Variants in ELP1 observed in about 807,000 individuals in gnomAD.
ELP1 encodes the protein elongator complex protein 1.
ELP1 carries 131 observed loss-of-function variants against 183.2 expected under a neutral mutation model. The ratio of observed to expected loss-of-function variants is 0.72; its 90% CI spans 0.62 to 0.83. The LOEUF (loss-of-function observed/expected upper bound fraction) is 0.83, where lower values mean the gene tolerates loss of function less well. Among genes scored for constraint, ELP1 ranks in the 40% least tolerant of loss-of-function variants. The pLI is 0.00. For missense variants in ELP1, 1,550 were observed against 1,594.9 expected, an observed-to-expected ratio of 0.97 and a Z score of 0.48; for synonymous variants, 555 against 569.0, an observed-to-expected ratio of 0.98 and a Z score of 0.35.
chr9:108,876,874 G>A (rs1239403095), intron 35 of ELP1, among the ~76,000 whole-genome samples: 1 of 152,132 alleles, frequency 6.6e-6, no homozygotes, highest in African/African-American at 2.4e-5. Flanking sequence ...TGGGATTACA[G>A]GCATGCGCCA....
chr9:108,900,303 C>T lies in ELP1; in HGVS notation c.2087G>A (p.Arg696Gln), dbSNP rs137853022. Residue 696 changes from arginine (R) to glutamine (Q), a missense_variant, in exon 19 of 37, where the codon CGG becomes CAG. Arg to Gln is a conservative substitution (Grantham distance 43). Transcript: ENST00000374647. ...EVLRKVERGS[R>Q]IVTVVPQDTK... ...GTCCTGGGGCACAACAGTGACAATC[C>T]GTGAACCCCTCTCCACTTTCCGCAG... The T allele has an allele frequency of 1.1e-4, 178 of 1,614,042 alleles. 1 individual carries two copies. The highest frequency in any genetic ancestry group is 1.0e-3 in the East Asian group (45 of 44,894).
At chr9:108,884,176 T>C (rs1828036367) in intron 29 of ELP1, among the ~76,000 whole-genome samples, 2 of 152,146 alleles carry the variant, frequency 1.3e-5, no homozygotes, top group African/African-American at 2.4e-5. Flanking sequence ...GAATTAGGAA[T>C]AGTAACAGAG....
intron 8 of ELP1, among the ~76,000 whole-genome samples, chr9:108,918,265 G>A (rs117763653): frequency 6.6e-6 from 1 of 152,228 alleles, no homozygotes; most frequent in Non-Finnish European, 1.5e-5. Context: ...CTAAAATCAG[G>A]CAGCCACATA....
intron 12 of ELP1, among the ~76,000 whole-genome samples, chr9:108,909,928 AATATACATATATATAC>A (rs1171147666): frequency 2.0e-5 from 3 of 152,150 alleles, no homozygotes; most frequent in Non-Finnish European, 4.4e-5. Flanking sequence ...CAACTCTGTG[AATATACATATATATAC>A]ATATACATAT....
At chr9:108,907,977 C>T (rs725036) in intron 13 of ELP1, among the ~76,000 whole-genome samples, 13,757 of 152,238 alleles carry the variant, frequency 0.09, 724 homozygotes, top group East Asian at 0.16. Context: ...ACCCATACAT[C>T]CCCATTTATG....
At chr9:108,911,257 A>G (rs1829213692) in intron 11 of ELP1, 77 bp from the exon 12 acceptor site, 8 of 1,330,518 alleles carry the variant, frequency 6.0e-6, no homozygotes, top group African/African-American at 1.4e-5. Flanking sequence ...ACATCACAGT[A>G]TATCTAAACA....
At chr9:108,916,100 A>G in intron 10 of ELP1, 104 bp downstream of exon 10, 1 of 895,356 alleles carries the variant, frequency 1.1e-6, no homozygotes, top group South Asian at 1.3e-5. Flanking sequence ...AGCATCTTTG[A>G]TTCTACTAAG....
intron 36 of ELP1, among the ~76,000 whole-genome samples, chr9:108,872,189 ACT>A (rs1351014437): frequency 6.6e-6 from 1 of 152,084 alleles, no homozygotes; most frequent in Non-Finnish European, 1.5e-5. Flanking sequence ...ATTAATGGAG[ACT>A]CTCATGTGCT....
chr9:108,920,190 A>G (rs1482758577), intron 6 of ELP1, among the ~76,000 whole-genome samples: 3 of 152,120 alleles, frequency 2.0e-5, no homozygotes, highest in African/African-American at 7.2e-5. Context: ...ATTCTAGAAG[A>G]GTAGCTCATA....
intron 9 of ELP1, among the ~76,000 whole-genome samples, chr9:108,917,341 C>A (rs970184819): frequency 6.6e-6 from 1 of 152,100 alleles, no homozygotes; most frequent in Admixed American, 6.5e-5. Context: ...GTGGCGCAAG[C>A]CTGTAATCCC....
rs141257064 is a variant in ELP1, at chr9:108,879,541, G to T, written c.3477C>A (p.His1159Gln). 6.2e-7 allele frequency: 1 copy of T among 1,613,488 alleles called. No individual in the cohort carries two copies. Among genetic ancestry groups the T allele is most frequent in the African/African-American group, 1.3e-5 (1 of 74,906 alleles). The stretch of plus-strand genomic sequence containing the variant: ...CAGAGAAGAGGTCTGACTCTTGCCC[G>T]TGGGGTACCTCATCATCTAGAAAAG... ...QQAGLDDEVPHGQESDLFSET... is the reference protein window; with the variant it reads ...QQAGLDDEVPQGQESDLFSET... Residue 1159 changes from histidine to glutamine, a missense_variant, in exon 33 of 37, where the codon CAC becomes CAA. By Grantham distance (24) the His-to-Gln change is conservative. Coordinates refer to ENST00000374647, the MANE Select transcript of ELP1 (RefSeq NM_003640.5).
chr9:108,879,842 GC>G (rs1405596005), intron 32 of ELP1, among the ~76,000 whole-genome samples: 1 of 152,202 alleles, frequency 6.6e-6, no homozygotes, highest in Non-Finnish European at 1.5e-5. Context: ...GGAATGTCTG[GC>G]AGAGCTCTCC....
At chr9:108,931,300 C>T (rs748270731) in intron 1 of ELP1, 99 bp from the exon 2 acceptor site, 7 of 822,646 alleles carry the variant, frequency 8.5e-6, no homozygotes, top group Admixed American at 2.4e-5. Context: ...ATCAGAATAA[C>T]CAAGAAAAGA....
chr9:108,889,980 C>T (rs1828260989), intron 28 of ELP1, among the ~76,000 whole-genome samples: 1 of 152,192 alleles, frequency 6.6e-6, no homozygotes, highest in Non-Finnish European at 1.5e-5. Context: ...CACAGAGTGA[C>T]TCCAGTGTGT....
chr9:108,877,403 A>C (rs1238800303), intron 35 of ELP1, among the ~76,000 whole-genome samples: 1 of 152,198 alleles, frequency 6.6e-6, no homozygotes, highest in Non-Finnish European at 1.5e-5. Context: ...TGACTGATAC[A>C]CCAGCCTTTT....
chr9:108,925,153 T>C (rs1564106246), intron 5 of ELP1, among the ~76,000 whole-genome samples: 1 of 152,086 alleles, frequency 6.6e-6, no homozygotes, highest in African/African-American at 2.4e-5. Context: ...ATCTCTTCCC[T>C]CTCCACACAC....
intron 1 of ELP1, 124 bp from the exon 2 acceptor site, chr9:108,931,325 C>A: frequency 1.6e-6 from 1 of 636,378 alleles, no homozygotes; most frequent in Non-Finnish European, 2.7e-6. Context: ...ACTTACCTCT[C>A]TGAGTACACA....
At chr9:108,902,442 G>A (rs1421290875) in intron 16 of ELP1, among the ~76,000 whole-genome samples, 4 of 152,114 alleles carry the variant, frequency 2.6e-5, no homozygotes, top group African/African-American at 4.8e-5. Context: ...TTAGTCAAGC[G>A]GTTTTGTTTT....
At position 108,889,288 on chromosome 9, in the gene ELP1, T is replaced by C. The variant is rs745798331; in HGVS notation, c.3222+44A>G. ...TCACTAAGATACAATTGAGAAGACCTTTCTTGCTGACTGGGGGGTTTAGAA... is the reference window on the plus strand; with the variant it reads ...TCACTAAGATACAATTGAGAAGACCCTTCTTGCTGACTGGGGGGTTTAGAA... On this transcript the variant is annotated intron_variant, in intron 29 of 36. Coordinates refer to ENST00000374647, the MANE Select transcript of ELP1 (RefSeq NM_003640.5). The C allele has an allele frequency of 3.2e-6, 5 of 1,544,558 alleles. No individual in the cohort carries two copies. The South Asian group carries it at 4.5e-5, about 14-fold the overall frequency.
Sources: gnomAD v4.1 joint callset for allele counts (sites outside exome capture counted in the v4.1 genomes callset) on GRCh38, gnomAD v4.1.1 for gene constraint, MANE v1.5 for transcripts, NCBI Gene and HGNC (gene_info 2026-07-23, HGNC 2026-07-21) for gene names.